The following RGS7 variants were observed in gnomAD, a reference collection of about 807,000 sequenced individuals.
The protein encoded by RGS7 is regulator of G protein signaling 7.
A neutral mutation model predicts 81.1 loss-of-function variants in RGS7; 27 were observed. The ratio of observed to expected loss-of-function variants is 0.33; its 90% CI spans 0.25 to 0.46. RGS7 has a LOEUF of 0.46. RGS7 is among the 20% of genes least tolerant of loss of function. RGS7 has a pLI of 1.00. For synonymous variants in RGS7, 208 were observed against 207.7 expected (o/e 1.00, Z -0.01); for missense variants, 396 against 607.4 (o/e 0.65, Z 3.66).
At chr1:240,937,303 C>G (rs1248517301) in intron 4 of RGS7, among the ~76,000 whole-genome samples, 4 of 152,164 alleles carry the variant, frequency 2.6e-5, no homozygotes, top group African/African-American at 9.7e-5. Context: ...AGTAAATTTG[C>G]CTTGCTGAGA....
intron 6 of RGS7, among the ~76,000 whole-genome samples, chr1:240,895,055 C>T (rs899362035): frequency 9.9e-5 from 15 of 152,024 alleles, no homozygotes; most frequent in Admixed American, 2.0e-4. Context: ...AGTGAGTTCT[C>T]GTGAGATCTG....
intron 3 of RGS7, among the ~76,000 whole-genome samples, chr1:241,008,904 T>A (rs2058814054): frequency 1.0e-5 from 1 of 99,426 alleles, no homozygotes; most frequent in African/African-American, 4.0e-5. Flanking sequence ...AGAGCAAGAC[T>A]CTGTCTCCAA....
intron 2 of RGS7, among the ~76,000 whole-genome samples, chr1:241,166,837 C>T (rs561403801): frequency 6.6e-6 from 1 of 152,230 alleles, no homozygotes; most frequent in South Asian, 2.1e-4. Flanking sequence ...AGACAGAGGG[C>T]ACAAAGAGAG....
intron 3 of RGS7, among the ~76,000 whole-genome samples, chr1:241,027,070 G>A (rs1328371329): frequency 1.3e-5 from 2 of 151,708 alleles, no homozygotes; most frequent in African/African-American, 4.8e-5. Flanking sequence ...AGGCGGGGTG[G>A]TACGTGCCTG....
chr1:241,223,906 C>T (rs956976605), intron 2 of RGS7, among the ~76,000 whole-genome samples: 1 of 150,872 alleles, frequency 6.6e-6, no homozygotes, highest in Non-Finnish European at 1.5e-5. Context: ...CAGGTACATA[C>T]TGAAATGGTG....
intron 2 of RGS7, among the ~76,000 whole-genome samples, chr1:241,162,222 G>GCCCCCCCCCCCCCCCCCCCCCCCCC (rs68166816): frequency 1.4e-5 from 2 of 142,026 alleles, no homozygotes; most frequent in African/African-American, 2.6e-5. Context: ...CTGGTGATCA[G>GCCCCCCCCCCCCCCCCCCCCCCCCC]CTTCCAAATA....
At chr1:240,880,321 G>A (rs931353539) in intron 6 of RGS7, among the ~76,000 whole-genome samples, 4 of 152,224 alleles carry the variant, frequency 2.6e-5, no homozygotes, top group Admixed American at 6.5e-5. Context: ...GGATTCAGGC[G>A]TGGGCCATCG....
At chr1:240,794,136 G>A (rs1022082084) in intron 18 of RGS7, among the ~76,000 whole-genome samples, 1 of 152,006 alleles carries the variant, frequency 6.6e-6, no homozygotes, top group African/African-American at 2.4e-5. Flanking sequence ...TCATTATGAT[G>A]GGTGTTTGTG....
At chr1:241,067,683 T>C (rs933690874) in intron 3 of RGS7, among the ~76,000 whole-genome samples, 8 of 151,910 alleles carry the variant, frequency 5.3e-5, no homozygotes, top group Non-Finnish European at 1.0e-4. Flanking sequence ...CCCCAGCTAA[T>C]TTTTTATTTT....
chr1:240,985,792 A>G (rs968231102), intron 3 of RGS7, among the ~76,000 whole-genome samples: 1 of 152,058 alleles, frequency 6.6e-6, no homozygotes, highest in African/African-American at 2.4e-5. Flanking sequence ...GAGAAAGAGG[A>G]AAAAAATCCA....
chr1:240,844,768 T>C (rs1658753824), intron 9 of RGS7, among the ~76,000 whole-genome samples: 1 of 152,332 alleles, frequency 6.6e-6, no homozygotes, highest in Admixed American at 6.5e-5. Flanking sequence ...TGCTGTTCCA[T>C]TTTCAGAGCA....
At chr1:241,171,203 C>T (rs149365630) in intron 2 of RGS7, among the ~76,000 whole-genome samples, 2 of 151,994 alleles carry the variant, frequency 1.3e-5, no homozygotes, top group East Asian at 1.9e-4. Flanking sequence ...AATAGGTGAC[C>T]GTTTCAAAAT....
intron 2 of RGS7, among the ~76,000 whole-genome samples, chr1:241,182,996 C>T (rs1429680206): frequency 2.0e-5 from 3 of 150,848 alleles, no homozygotes; most frequent in Non-Finnish European, 4.4e-5. Flanking sequence ...ATACCGTGCT[C>T]TGGTCCACAT....
chr1:241,281,984 G>A (rs942799697), intron 2 of RGS7, among the ~76,000 whole-genome samples: 6 of 152,176 alleles, frequency 3.9e-5, no homozygotes, highest in African/African-American at 1.4e-4. Flanking sequence ...AGAGTCAATA[G>A]CTGTACTCAT....
chr1:241,173,554 G>T (rs999779040), intron 2 of RGS7, among the ~76,000 whole-genome samples: 6 of 152,096 alleles, frequency 3.9e-5, no homozygotes, highest in Non-Finnish European at 8.8e-5. Context: ...GGAGATCAAG[G>T]CAGGAGGATT....
At chr1:240,814,686 A>C (rs1690484370) in intron 12 of RGS7, 30 bp downstream of exon 12, 1 of 1,413,994 alleles carries the variant, frequency 7.1e-7, no homozygotes, top group South Asian at 1.2e-5. Context: ...TGAAATTTTA[A>C]AATTTATACA....
intron 6 of RGS7, among the ~76,000 whole-genome samples, chr1:240,924,823 C>T (rs1014438384): frequency 2.0e-5 from 3 of 151,644 alleles, no homozygotes; most frequent in Admixed American, 6.6e-5. Flanking sequence ...TCAAAAAACT[C>T]GGTAATCAAA....
intron 9 of RGS7, among the ~76,000 whole-genome samples, chr1:240,829,458 G>A (rs1693427504): frequency 1.3e-5 from 2 of 152,152 alleles, no homozygotes; most frequent in Non-Finnish European, 2.9e-5. Context: ...ATTTTAATCT[G>A]CAGCCGGAGT....
intron 6 of RGS7, among the ~76,000 whole-genome samples, chr1:240,889,526 G>A (rs892681399): frequency 1.3e-5 from 2 of 152,118 alleles, no homozygotes; most frequent in African/African-American, 4.8e-5. Flanking sequence ...ACTCCTGGGA[G>A]CTGTGAGAGC....
Sources: allele counts gnomAD v4.1 joint callset (sites outside exome capture counted in the v4.1 genomes callset), GRCh38; gene constraint gnomAD v4.1.1; transcripts MANE v1.5; gene names NCBI Gene and HGNC (gene_info 2026-07-23, HGNC 2026-07-21).